The following DLGAP2 variants were observed in gnomAD, a reference collection of about 807,000 sequenced individuals.
DLGAP2 encodes DLG associated protein 2.
A neutral mutation model predicts 100.3 loss-of-function variants in DLGAP2; 26 were observed. The observed-to-expected ratio is 0.26, with a 90% confidence interval of 0.19 to 0.36. DLGAP2 has a LOEUF of 0.36. Ranked by LOEUF, DLGAP2 falls within the 10% of genes least tolerant of loss-of-function variation. The pLI is 1.00. For missense variants in DLGAP2, 1,858 were observed against 1,453.2 expected, an observed-to-expected ratio of 1.28 and a Z score of -4.53; for synonymous variants, 886 against 630.1, an observed-to-expected ratio of 1.41 and a Z score of -6.08.
chr8:1,337,538 T>A (rs1465234519), intron 3 of DLGAP2, among the ~76,000 whole-genome samples: 1 of 151,382 alleles, frequency 6.6e-6, no homozygotes, highest in African/African-American at 2.4e-5. Flanking sequence ...GTGATGATGA[T>A]GATGATGATC....
chr8:1,081,455 G>C (rs142488013), intron 2 of DLGAP2, among the ~76,000 whole-genome samples: 1 of 152,146 alleles, frequency 6.6e-6, no homozygotes, highest in African/African-American at 2.4e-5. Context: ...AGGTTCAAGC[G>C]ATTCTCCTGC....
chr8:906,700 C>T lies in DLGAP2; in HGVS notation c.19-1212C>T, dbSNP rs79215626. On this transcript the variant is annotated intron_variant, in intron 1 of 14. Transcript: ENST00000637795. ...ACCCCATGGTTATCACAAGGCTTAG[C>T]GCCTCCCTGCCCCGACTGTCTCACC... Among the ~76,000 whole-genome samples the T allele has an allele frequency of 5.2e-3, 795 of 152,278 alleles. 9 individuals carry two copies. Among genetic ancestry groups the T allele is most frequent in the African/African-American group, 0.018 (761 of 41,556 alleles).
chr8:1,157,139 T>C (rs566226339), intron 2 of DLGAP2, among the ~76,000 whole-genome samples: 93 of 152,258 alleles, frequency 6.1e-4, no homozygotes, highest in Admixed American at 6.0e-3. Context: ...GGCTTGTGGA[T>C]TTACTGGTGA....
intron 6 of DLGAP2, among the ~76,000 whole-genome samples, chr8:1,586,459 C>A (rs1367844939): frequency 1.3e-5 from 2 of 152,218 alleles, no homozygotes; most frequent in South Asian, 2.1e-4. Context: ...CTCCGACTTG[C>A]TCTGCCTTCC....
At chr8:1,388,100 GC>G (rs1796260461) in intron 3 of DLGAP2, among the ~76,000 whole-genome samples, 1 of 150,214 alleles carries the variant, frequency 6.7e-6, no homozygotes, top group Non-Finnish European at 1.5e-5. Flanking sequence ...GAGAGCAGAG[GC>G]CGTGGATGGG....
intron 3 of DLGAP2, among the ~76,000 whole-genome samples, chr8:1,320,894 C>G (rs1371432085): frequency 6.6e-6 from 1 of 152,082 alleles, no homozygotes; most frequent in African/African-American, 2.4e-5. Context: ...TGTCTGTATG[C>G]ACAGGTGTGT....
At chr8:1,666,406 C>T (rs1798544870) in intron 8 of DLGAP2, among the ~76,000 whole-genome samples, 1 of 152,182 alleles carries the variant, frequency 6.6e-6, no homozygotes, top group Admixed American at 6.5e-5. Context: ...GATGTGGTGG[C>T]TCACACCTGT....
At chr8:801,662 G>A (rs1404103240) in intron 1 of DLGAP2, among the ~76,000 whole-genome samples, 4 of 152,130 alleles carry the variant, frequency 2.6e-5, no homozygotes, top group Non-Finnish European at 4.4e-5. Context: ...CTTCTCCTGT[G>A]CAGCGGGCTT....
At chr8:1,105,745 G>C (rs1231222365) in intron 2 of DLGAP2, among the ~76,000 whole-genome samples, 1 of 150,684 alleles carries the variant, frequency 6.6e-6, no homozygotes, top group Non-Finnish European at 1.5e-5. Flanking sequence ...GGCCATTCTA[G>C]GAGGGTTTTC....
chr8:1,687,510 G>C (rs1044011658), intron 12 of DLGAP2, among the ~76,000 whole-genome samples: 3 of 152,184 alleles, frequency 2.0e-5, no homozygotes, highest in African/African-American at 7.2e-5. Context: ...GCATCAGATA[G>C]GATCATTCTC....
intron 3 of DLGAP2, among the ~76,000 whole-genome samples, chr8:1,297,449 G>A (rs1198249952): frequency 6.6e-6 from 1 of 151,982 alleles, no homozygotes; most frequent in Non-Finnish European, 1.5e-5. Context: ...GAGACAGGGA[G>A]GAGAAAGGTG....
intron 2 of DLGAP2, among the ~76,000 whole-genome samples, chr8:951,801 A>T (rs940499369): frequency 3.3e-5 from 5 of 152,284 alleles, no homozygotes; most frequent in Admixed American, 6.5e-5. Flanking sequence ...GTAACTAATG[A>T]CCTTAGTGGC....
chr8:1,369,865 A>T (rs1401018839), intron 3 of DLGAP2: 1 of 152,242 alleles, frequency 6.6e-6, no homozygotes, highest in Non-Finnish European at 1.5e-5. Context: ...GGCGCAAGGC[A>T]CAAGCCTGGC....
rs1243679190 is a variant in DLGAP2 at position 749,777 on chromosome 8, G to A, written c.18+11952G>A. On this transcript the variant is annotated intron_variant, in intron 1 of 14. Coordinates refer to ENST00000637795, the MANE Select transcript of DLGAP2 (RefSeq NM_001346810.2). ...TACCACAGATCGGGTGCCCGAAACG[G>A]CAGAGCGCGCTCTTGGTGCTGGAGG... is the stretch of plus-strand genomic sequence containing the variant. 3.9e-5 allele frequency among the ~76,000 whole-genome samples: 6 copies of A among 152,308 alleles called. No individual in the cohort carries two copies. The South Asian group carries it at 1.0e-3, about 26-fold the overall frequency.
At chr8:973,424 C>T (rs1463726797) in intron 2 of DLGAP2, among the ~76,000 whole-genome samples, 3 of 152,052 alleles carry the variant, frequency 2.0e-5, no homozygotes, top group African/African-American at 7.2e-5. Context: ...ACGCTCCTCA[C>T]CTCCCAGACG....
chr8:1,647,728 G>C (rs566708497), intron 8 of DLGAP2, among the ~76,000 whole-genome samples: 1 of 152,058 alleles, frequency 6.6e-6, no homozygotes, highest in Non-Finnish European at 1.5e-5. Flanking sequence ...TCCCCTGCCG[G>C]GTCTCTCTCT....
At chr8:1,666,300 T>C (rs1026180911) in intron 8 of DLGAP2, among the ~76,000 whole-genome samples, 36 of 152,326 alleles carry the variant, frequency 2.4e-4, no homozygotes, top group Admixed American at 2.4e-3. Flanking sequence ...CAGCACCCGA[T>C]TGATTTCATA....
intron 2 of DLGAP2, among the ~76,000 whole-genome samples, chr8:1,201,591 A>C (rs1054976096): frequency 6.6e-6 from 1 of 152,232 alleles, no homozygotes; most frequent in Non-Finnish European, 1.5e-5. Context: ...GGTCACCGGC[A>C]CGGCAGGGGT....
chr8:1,497,060 G>C (rs1799570733), intron 3 of DLGAP2, among the ~76,000 whole-genome samples: 1 of 152,196 alleles, frequency 6.6e-6, no homozygotes, highest in Non-Finnish European at 1.5e-5. Flanking sequence ...AGATGAGAAA[G>C]GTGACTCCTA....
Sources: gnomAD v4.1 joint callset for allele counts (sites outside exome capture counted in the v4.1 genomes callset) on GRCh38, gnomAD v4.1.1 for gene constraint, MANE v1.5 for transcripts, NCBI Gene and HGNC (gene_info 2026-07-23, HGNC 2026-07-21) for gene names.